Variants in LDLRAD4 observed in about 807,000 individuals in gnomAD.
LDLRAD4 encodes low density lipoprotein receptor class A domain containing 4.
A neutral mutation model predicts 17.0 loss-of-function variants in LDLRAD4; 5 were observed. The ratio of observed to expected loss-of-function variants is 0.29; its 90% CI spans 0.15 to 0.62. The LOEUF is 0.62. Among genes scored for constraint, LDLRAD4 ranks in the 20% least tolerant of loss-of-function variants. The pLI, the probability that LDLRAD4 is intolerant of heterozygous loss-of-function variation, is 0.84. For missense variants in LDLRAD4, 340 were observed against 424.7 expected, an observed-to-expected ratio of 0.80 and a Z score of 1.75; for synonymous variants, 168 against 171.8, an observed-to-expected ratio of 0.98 and a Z score of 0.17.
At chr18:13,461,909 A>C (rs1288497673) in intron 3 of LDLRAD4, among the ~76,000 whole-genome samples, 1 of 152,212 alleles carries the variant, frequency 6.6e-6, no homozygotes, top group Non-Finnish European at 1.5e-5. Context: ...TCTGCCACAC[A>C]GAAAAAGTGG....
At chr18:13,537,815 A>G (rs568039138) in intron 3 of LDLRAD4, among the ~76,000 whole-genome samples, 4 of 152,170 alleles carry the variant, frequency 2.6e-5, no homozygotes, top group African/African-American at 4.8e-5. Context: ...TGAGAAAGAA[A>G]GAGAAAAAGG....
intron 3 of LDLRAD4, chr18:13,471,523 C>T (rs1308408554): frequency 1.3e-5 from 2 of 152,416 alleles, no homozygotes; most frequent in African/African-American, 2.4e-5. Context: ...TTCAGAAGGT[C>T]TGGGGTGTTC....
At chr18:13,383,345 A>G (rs1176238600) in intron 1 of LDLRAD4, among the ~76,000 whole-genome samples, 2 of 152,186 alleles carry the variant, frequency 1.3e-5, no homozygotes, top group African/African-American at 4.8e-5. Flanking sequence ...ACGGGCAGGC[A>G]TGGTGCAATC....
intron 2 of LDLRAD4, among the ~76,000 whole-genome samples, chr18:13,430,351 G>C (rs1377610430): frequency 6.6e-6 from 1 of 152,188 alleles, no homozygotes; most frequent in Non-Finnish European, 1.5e-5. Context: ...TCACGAGAAG[G>C]TTATGCGAGG....
chr18:13,612,176 T>C, intron 3 of LDLRAD4: 1 of 987,256 alleles, frequency 1.0e-6, no homozygotes, highest in Non-Finnish European at 1.2e-6. Context: ...TGGTTTGATA[T>C]TTGCCTGTTG....
In LDLRAD4 at chr18:13,251,726, GACAA is replaced by G. The variant is rs772387658; in HGVS notation, c.-466-26373_-466-26370del. Among the ~76,000 whole-genome samples, 30 of 152,304 alleles carry G rather than the reference GACAA, an allele frequency of 2.0e-4. 1 individual carries two copies. Among genetic ancestry groups the G allele is most frequent in the South Asian group, 1.0e-3 (5 of 4,826 alleles). On this transcript the variant is annotated intron_variant, in intron 1 of 5. Transcript: ENST00000399848. ...CGATGAAAAGAAATTGAAGAGGACT[GACAA>G]ACAAATGGAAAGTACTTGGAAGAAG... is the stretch of plus-strand genomic sequence containing the variant.
At chr18:13,514,850 A>C (rs772925535) in intron 3 of LDLRAD4, 1 of 152,160 alleles carries the variant, frequency 6.6e-6, no homozygotes, top group Admixed American at 6.5e-5. Flanking sequence ...TGTAGGTTCA[A>C]CGTCTCTGCT....
intron 3 of LDLRAD4, among the ~76,000 whole-genome samples, chr18:13,610,265 ATTTTTTTTTTTTTTTTTTTTTTTTTT>A (rs1157718015): frequency 1.6e-5 from 1 of 62,480 alleles, no homozygotes; most frequent in Non-Finnish European, 3.4e-5. Context: ...CAAAGCCCTA[ATTTTTTTTTTTTTTTTTTTTTTTTTT>A]TTTTTTTTTT....
chr18:13,313,439 G>C (rs936021284), intron 1 of LDLRAD4, among the ~76,000 whole-genome samples: 2 of 152,148 alleles, frequency 1.3e-5, no homozygotes, highest in East Asian at 3.8e-4. Flanking sequence ...GAACCATTCA[G>C]ACGTGCCCTT....
chr18:13,222,372 A>G (rs997028827), intron 1 of LDLRAD4, among the ~76,000 whole-genome samples: 6 of 148,982 alleles, frequency 4.0e-5, no homozygotes, highest in African/African-American at 1.5e-4. Flanking sequence ...GATGACAACT[A>G]TTTTTTTTTA....
chr18:13,390,944 A>G (rs567033615), intron 2 of LDLRAD4, among the ~76,000 whole-genome samples: 2 of 152,284 alleles, frequency 1.3e-5, no homozygotes, highest in East Asian at 3.9e-4. Context: ...ATAGTTTGCA[A>G]GAGTCCCTGT....
intron 3 of LDLRAD4, among the ~76,000 whole-genome samples, chr18:13,586,384 G>T (rs1376121787): frequency 1.2e-5 from 1 of 86,932 alleles, no homozygotes; most frequent in Non-Finnish European, 2.1e-5. Flanking sequence ...TTCAGCCTGG[G>T]TGACAGAGCA....
chr18:13,574,549 T>A (rs972059556), intron 3 of LDLRAD4, among the ~76,000 whole-genome samples: 2 of 152,340 alleles, frequency 1.3e-5, no homozygotes, highest in East Asian at 1.9e-4. Context: ...GGCAGGACCA[T>A]GGCCGATGTG....
In LDLRAD4 at chr18:13,594,356, T is replaced by C. The variant is rs75931341; in HGVS notation, c.182-26761T>C. 1.5e-3 allele frequency among the ~76,000 whole-genome samples: 229 copies of C among 152,254 alleles called. 6 individuals carry two copies. The East Asian group carries it at 0.024, about 16-fold the overall frequency. ...GTCAGGCAATGTTGTTTGTGTATAC[T>C]CATAATAAGCACTGGTTAAAGAGGG... On this transcript the variant is annotated intron_variant, in intron 3 of 5. Transcript: ENST00000359446.
chr18:13,224,065 G>A (rs1029664954), intron 1 of LDLRAD4, among the ~76,000 whole-genome samples: 1 of 152,136 alleles, frequency 6.6e-6, no homozygotes, highest in Non-Finnish European at 1.5e-5. Context: ...TCTTGCCTCC[G>A]TGCTGTAGCC....
rs79090158 is a variant in LDLRAD4, at chr18:13,582,034, A to G, written c.182-39083A>G. Among the ~76,000 whole-genome samples, 3,087 of 152,270 alleles carry G rather than the reference A, an allele frequency of 0.02. 272 individuals are homozygous for G. In the East Asian group the frequency reaches 0.26, roughly 13 times the overall value. Reference sequence around the variant, plus strand: ...CACACTGAGGGGCTGTGAAAGGAGCATGGCCTTGGGGGCATTATAAATCCA... The same window carrying G: ...CACACTGAGGGGCTGTGAAAGGAGCGTGGCCTTGGGGGCATTATAAATCCA... On this transcript the variant is annotated intron_variant, in intron 3 of 5. Coordinates refer to ENST00000359446, the Ensembl canonical transcript of LDLRAD4.
At chr18:13,573,432 G>T (rs2094720847) in intron 3 of LDLRAD4, among the ~76,000 whole-genome samples, 1 of 151,322 alleles carries the variant, frequency 6.6e-6, no homozygotes, top group African/African-American at 2.4e-5. Context: ...TAGAGATGAA[G>T]TTTTGCCTTG....
At chr18:13,646,167 A>G (rs1194916492) in exon 6 of LDLRAD4, 1 of 152,856 alleles carries the variant, frequency 6.5e-6, no homozygotes, top group African/African-American at 2.4e-5. Flanking sequence ...GTTGTGTGCC[A>G]AGGTATAAAG....
At chr18:13,235,691 G>T (rs949064195) in intron 1 of LDLRAD4, among the ~76,000 whole-genome samples, 1 of 152,194 alleles carries the variant, frequency 6.6e-6, no homozygotes, top group Non-Finnish European at 1.5e-5. Context: ...TTGCATATGC[G>T]ATCGGCTTTG....
Sources: allele counts gnomAD v4.1 joint callset (sites outside exome capture counted in the v4.1 genomes callset), GRCh38; gene constraint gnomAD v4.1.1; transcripts MANE v1.5; gene names NCBI Gene and HGNC (gene_info 2026-07-23, HGNC 2026-07-21).